The following CNPY1 variants were observed in gnomAD, a reference collection of about 807,000 sequenced individuals.
The protein encoded by CNPY1 is protein canopy homolog 1.
A neutral mutation model predicts 14.4 loss-of-function variants in CNPY1; 14 were observed. The observed-to-expected ratio is 0.97, with a 90% CI of 0.64 to 1.52. The LOEUF (loss-of-function observed/expected upper bound fraction) is 1.52, where lower values mean the gene tolerates loss of function less well. Ranked by LOEUF, CNPY1 falls within the 40% of genes most tolerant of loss-of-function variation. The pLI is 0.00. For synonymous variants in CNPY1, 43 were observed against 46.5 expected (o/e 0.92, Z 0.31); for missense variants, 129 against 131.5 (o/e 0.98, Z 0.09).
At chr7:155,523,118 A>T (rs1796755231) in intron 2 of CNPY1, among the ~76,000 whole-genome samples, 1 of 152,248 alleles carries the variant, frequency 6.6e-6, no homozygotes, top group Admixed American at 6.5e-5. Context: ...TTTATTAAGG[A>T]TAAGTCATGC....
intron 2 of CNPY1, among the ~76,000 whole-genome samples, chr7:155,538,115 A>T (rs1027716138): frequency 2.6e-5 from 4 of 152,178 alleles, no homozygotes; most frequent in African/African-American, 9.7e-5. Flanking sequence ...ATTTTTTCAC[A>T]TGGCAATTTA....
In CNPY1 at chr7:155,538,587, C is replaced by T. The variant is rs114287878; in HGVS notation, c.99+7244G>A. Among the ~76,000 whole-genome samples the T allele has an allele frequency of 9.9e-3, 1,514 of 152,260 alleles. 18 individuals carry two copies. The highest frequency in any genetic ancestry group is 0.033 in the African/African-American group (1,352 of 41,536). On this transcript the variant is annotated intron_variant, in intron 2 of 4. Transcript: ENST00000636446. ...CTTGGGTCTGGATTGATCTGAGGGACGTCTGCGAATGCCCCACTTGCCCCG... is the reference window on the plus strand; with the variant it reads ...CTTGGGTCTGGATTGATCTGAGGGATGTCTGCGAATGCCCCACTTGCCCCG...
chr7:155,514,457 G>A (rs1362541082), intron 2 of CNPY1, among the ~76,000 whole-genome samples: 1 of 152,194 alleles, frequency 6.6e-6, no homozygotes, highest in Admixed American at 6.5e-5. Context: ...TGGTTGATGA[G>A]TGATGATCCG....
rs529610161 is a variant in CNPY1 at position 155,536,674 on chromosome 7, C to T, written c.99+9157G>A. ...ATCCACCTGCTGGATGAACAGGACT[C>T]GGGCTTGGAGGAGGAGGAGCCACAA... On this transcript the variant is annotated intron_variant, in intron 2 of 4. Transcript: ENST00000636446. The surrounding 1 kb of genome is among the most constrained non-coding windows in gnomAD (Gnocchi z 4.1). 1.4e-4 allele frequency among the ~76,000 whole-genome samples: 22 copies of T among 152,286 alleles called. No homozygotes were observed. The highest frequency in any genetic ancestry group is 4.3e-4 in the African/African-American group (18 of 41,574).
At chr7:155,543,206 G>A (rs1410932625) in intron 2 of CNPY1, among the ~76,000 whole-genome samples, 1 of 152,170 alleles carries the variant, frequency 6.6e-6, no homozygotes, top group Non-Finnish European at 1.5e-5. Flanking sequence ...GCCGGGCCGG[G>A]CTGGGAACAC....
intron 2 of CNPY1, among the ~76,000 whole-genome samples, chr7:155,534,351 ACACACGTG>A (rs1796996694): frequency 8.5e-6 from 1 of 118,180 alleles, no homozygotes; most frequent in Non-Finnish European, 2.0e-5. Flanking sequence ...GCACACATGC[ACACACGTG>A]CACACAGGCA....
intron 2 of CNPY1, among the ~76,000 whole-genome samples, chr7:155,542,498 G>A (rs974733848): frequency 6.6e-6 from 1 of 152,194 alleles, no homozygotes; most frequent in African/African-American, 2.4e-5. Context: ...GGGCCTCACT[G>A]CTGGGCCTCA....
intron 2 of CNPY1, among the ~76,000 whole-genome samples, chr7:155,542,888 C>G (rs762775049): frequency 3.3e-5 from 5 of 152,236 alleles, no homozygotes; most frequent in Admixed American, 1.3e-4. Flanking sequence ...ACTGCCCTCC[C>G]AGACCCACCC....
intron 2 of CNPY1, among the ~76,000 whole-genome samples, chr7:155,539,484 TGATAG>T (rs1164100654): frequency 6.6e-6 from 1 of 152,198 alleles, no homozygotes; most frequent in African/African-American, 2.4e-5. Flanking sequence ...CTGGCTGGCC[TGATAG>T]AATAGCCAGC....
intron 2 of CNPY1, among the ~76,000 whole-genome samples, chr7:155,517,468 C>T (rs940135780): frequency 6.6e-6 from 1 of 152,186 alleles, no homozygotes; most frequent in Non-Finnish European, 1.5e-5. Flanking sequence ...GCGTGACGTC[C>T]TCCTGCCTCA....
At chr7:155,522,372 A>G (rs912637799) in intron 2 of CNPY1, among the ~76,000 whole-genome samples, 1 of 152,146 alleles carries the variant, frequency 6.6e-6, no homozygotes, top group Non-Finnish European at 1.5e-5. Context: ...TGTGGCGCAC[A>G]CTCTGTAAGT....
chr7:155,502,984 G>A lies in CNPY1; in HGVS notation c.*84C>T. The A allele has an allele frequency of 2.4e-6, 3 of 1,273,104 alleles. No individual in the cohort carries two copies. Among genetic ancestry groups the A allele is most frequent in the Non-Finnish European group, 3.3e-6 (3 of 900,546 alleles). The allele number at this position is 1,273,104 out of a possible 1,614,324, so 78.9% of individuals were successfully genotyped here. A position where few individuals can be genotyped will look rare whatever the true frequency, so the allele number is the denominator to read the frequency against. ...CAAGAGACAAAATTTTTCTTATCAT[G>A]AAAGACAACATGCAAACATAAAATG... On this transcript the variant is annotated 3_prime_UTR_variant, in exon 5 of 5. Transcript: ENST00000636446.
At chr7:155,530,296 CTTT>C (rs11386824) in intron 2 of CNPY1, among the ~76,000 whole-genome samples, 1 of 96,924 alleles carries the variant, frequency 1.0e-5, no homozygotes. Flanking sequence ...CCAGCAGGGT[CTTT>C]TTTTTTTTTT....
At chr7:155,518,983 T>G (rs940404758) in intron 2 of CNPY1, among the ~76,000 whole-genome samples, 1 of 152,238 alleles carries the variant, frequency 6.6e-6, no homozygotes. Flanking sequence ...GAAATGGGTT[T>G]CAATGCTTAA....
intron 2 of CNPY1, among the ~76,000 whole-genome samples, chr7:155,545,623 C>T (rs1159685126): frequency 2.0e-5 from 3 of 152,128 alleles, no homozygotes; most frequent in Non-Finnish European, 2.9e-5. Flanking sequence ...TTCGACTTGA[C>T]GAGACACAAA....
At chr7:155,533,201 AC>A (rs1796970906) in intron 2 of CNPY1, among the ~76,000 whole-genome samples, 1 of 152,088 alleles carries the variant, frequency 6.6e-6, no homozygotes, top group Non-Finnish European at 1.5e-5. Context: ...GGCCTCGCTC[AC>A]CCTCAAAACC....
intron 2 of CNPY1, among the ~76,000 whole-genome samples, chr7:155,534,319 ATGCACACACACG>A (rs1345961342): frequency 2.0e-5 from 3 of 150,844 alleles, no homozygotes; most frequent in African/African-American, 7.3e-5. Context: ...ACACACACAC[ATGCACACACACG>A]TGCACAGAGG....
chr7:155,502,135 T>C lies in CNPY1; in HGVS notation c.*933A>G, dbSNP rs1350334872. ...AGTCAGATTCCATTGAATGCAAATG[T>C]AACAGAGATAAAGAAATTTCCGGGA... On this transcript the variant is annotated 3_prime_UTR_variant, in exon 5 of 5. Coordinates refer to ENST00000636446, the MANE Select transcript of CNPY1 (RefSeq NM_001393663.1). 1 of 152,148 alleles carries C rather than the reference T, an allele frequency of 6.6e-6. No homozygotes were observed. The highest frequency in any genetic ancestry group is 1.5e-5 in the Non-Finnish European group (1 of 68,014). 9.4% of individuals were successfully genotyped at this position (152,148 alleles called of 1,614,324 possible). A position where few individuals can be genotyped will look rare whatever the true frequency, so the allele number is the denominator to read the frequency against.
At position 155,507,104 on chromosome 7, in the gene CNPY1, T is replaced by C. The variant is rs762626348; in HGVS notation, c.316A>G (p.Ile106Val). Residue 106 changes from isoleucine to valine, a missense_variant, in exon 4 of 5, where the codon ATA (isoleucine) becomes GTA (valine). By Grantham distance (29) the Ile-to-Val change is conservative. Transcript: ENST00000636446. ...RPLKFACETIIEEYEDEISSL... is the reference protein window; with the variant it reads ...RPLKFACETIVEEYEDEISSL... Reference sequence around the variant, plus strand: ...GATATTTCATCTTCATACTCTTCTATTATAGTTTCACACTGTAGAAACATA... The same window carrying C: ...GATATTTCATCTTCATACTCTTCTACTATAGTTTCACACTGTAGAAACATA... 3 of 1,600,756 alleles carry C rather than the reference T, an allele frequency of 1.9e-6. No homozygotes were observed. Among genetic ancestry groups the C allele is most frequent in the South Asian group, 2.2e-5 (2 of 90,822 alleles).
Sources: allele counts gnomAD v4.1 joint callset (sites outside exome capture counted in the v4.1 genomes callset), GRCh38; gene constraint gnomAD v4.1.1; non-coding constraint Gnocchi (gnomAD v3.1); transcripts MANE v1.5; gene names NCBI Gene and HGNC (gene_info 2026-07-23, HGNC 2026-07-21).